Variants in PCDH9 observed in about 807,000 individuals in gnomAD.
PCDH9 encodes the protein protocadherin-9.
Under a neutral mutation model 70.6 loss-of-function variants are expected in PCDH9, and 24 were observed. The observed-to-expected ratio is 0.34, with a 90% CI of 0.25 to 0.48. PCDH9 has a LOEUF of 0.48. PCDH9 is among the 20% of genes least tolerant of loss of function. The pLI is 0.99. For missense variants in PCDH9, 1,281 were observed against 1,503.6 expected, an observed-to-expected ratio of 0.85 and a Z score of 2.45; for synonymous variants, 562 against 558.5, an observed-to-expected ratio of 1.01 and a Z score of -0.09.
chr13:66,960,086 A>G (rs909095216), intron 2 of PCDH9, among the ~76,000 whole-genome samples: 2 of 152,216 alleles, frequency 1.3e-5, no homozygotes, highest in African/African-American at 4.8e-5. Flanking sequence ...TTGCAAATTG[A>G]CTGACATGCA....
At chr13:66,914,631 T>A (rs2082528100) in intron 2 of PCDH9, 1 of 151,872 alleles carries the variant, frequency 6.6e-6, no homozygotes, top group Non-Finnish European at 1.5e-5. Flanking sequence ...TTGTATACTC[T>A]CCTCAAAAAG....
At chr13:66,551,458 G>A (rs1961486515) in intron 4 of PCDH9, among the ~76,000 whole-genome samples, 1 of 152,178 alleles carries the variant, frequency 6.6e-6, no homozygotes, top group African/African-American at 2.4e-5. Flanking sequence ...GGAAAACTGA[G>A]AATGAGGAGG....
At chr13:66,388,004 T>C (rs187159979) in intron 4 of PCDH9, among the ~76,000 whole-genome samples, 1 of 152,316 alleles carries the variant, frequency 6.6e-6, no homozygotes, top group East Asian at 1.9e-4. Flanking sequence ...GTCAGCTTGT[T>C]ATTATTTGGA....
chr13:66,629,128 A>C (rs932096858), intron 4 of PCDH9, among the ~76,000 whole-genome samples: 3 of 152,240 alleles, frequency 2.0e-5, no homozygotes, highest in Admixed American at 6.5e-5. Context: ...CATTGTCTTA[A>C]TCTTATTCAT....
chr13:66,655,679 ATTTC>A (rs752432400), intron 3 of PCDH9, among the ~76,000 whole-genome samples: 5 of 152,142 alleles, frequency 3.3e-5, no homozygotes, highest in Non-Finnish European at 4.4e-5. Context: ...TGTACAAGTT[ATTTC>A]TTAAGCATTT....
chr13:66,838,356 A>T (rs919005517), intron 3 of PCDH9, among the ~76,000 whole-genome samples: 1 of 151,982 alleles, frequency 6.6e-6, no homozygotes, highest in Non-Finnish European at 1.5e-5. Context: ...ATCTTTAAAA[A>T]TATTCAATTC....
At chr13:67,076,174 C>T (rs916796650) in intron 2 of PCDH9, among the ~76,000 whole-genome samples, 2 of 152,068 alleles carry the variant, frequency 1.3e-5, no homozygotes, top group Non-Finnish European at 2.9e-5. Context: ...ATGTGCCAGA[C>T]ACTGCCCTAA....
At chr13:66,886,471 T>C (rs1282582154) in intron 3 of PCDH9, among the ~76,000 whole-genome samples, 12 of 152,090 alleles carry the variant, frequency 7.9e-5, no homozygotes, top group Non-Finnish European at 1.6e-4. Context: ...CTAAGTGGCT[T>C]TGAAAAGCCA....
intron 4 of PCDH9, among the ~76,000 whole-genome samples, chr13:66,368,835 A>G (rs1196573429): frequency 6.6e-6 from 1 of 152,048 alleles, no homozygotes; most frequent in Non-Finnish European, 1.5e-5. Flanking sequence ...GCAGCAGGCA[A>G]AGAGAGAGAG....
chr13:67,183,794 G>A (rs1311347862), intron 2 of PCDH9, among the ~76,000 whole-genome samples: 1 of 152,096 alleles, frequency 6.6e-6, no homozygotes, highest in Non-Finnish European at 1.5e-5. Flanking sequence ...GACTGAGGTT[G>A]CAATGTTTTG....
intron 4 of PCDH9, among the ~76,000 whole-genome samples, chr13:66,535,225 A>C (rs990495184): frequency 3.3e-5 from 5 of 152,122 alleles, no homozygotes; most frequent in African/African-American, 1.2e-4. Flanking sequence ...AGTAAATTAC[A>C]TGTTAAATAA....
intron 2 of PCDH9, among the ~76,000 whole-genome samples, chr13:67,071,909 G>A (rs1194276462): frequency 2.1e-3 from 250 of 119,372 alleles, no homozygotes; most frequent in African/African-American, 6.4e-3. Context: ...AAAAAAAAAA[G>A]AGAGAATCCT....
At chr13:66,515,170 G>A (rs1959673029) in intron 4 of PCDH9, among the ~76,000 whole-genome samples, 1 of 152,040 alleles carries the variant, frequency 6.6e-6, no homozygotes, top group African/African-American at 2.4e-5. Context: ...ACTGTATCAT[G>A]TCCAGTTTTG....
intron 3 of PCDH9, among the ~76,000 whole-genome samples, chr13:66,869,959 G>T (rs546029343): frequency 6.6e-6 from 1 of 152,146 alleles, no homozygotes; most frequent in East Asian, 1.9e-4. Context: ...GGCTTTTGTT[G>T]CCATTGCTTT....
At chr13:66,325,445 C>T (rs1490394287) in intron 4 of PCDH9, among the ~76,000 whole-genome samples, 2 of 151,906 alleles carry the variant, frequency 1.3e-5, no homozygotes, top group African/African-American at 4.8e-5. Context: ...TTTCTAGAAG[C>T]CAAAATAATT....
At chr13:66,342,488 T>A (rs1386623495) in intron 4 of PCDH9, among the ~76,000 whole-genome samples, 2 of 152,194 alleles carry the variant, frequency 1.3e-5, no homozygotes, top group Non-Finnish European at 2.9e-5. Flanking sequence ...ATAGTTACTA[T>A]TAATATTCTC....
At chr13:66,928,232 C>T (rs1269602343) in intron 2 of PCDH9, among the ~76,000 whole-genome samples, 1 of 151,930 alleles carries the variant, frequency 6.6e-6, no homozygotes, top group Non-Finnish European at 1.5e-5. Context: ...GAGAAATATT[C>T]TGATTTTTCT....
chr13:66,502,428 T>A (rs1959181494), intron 4 of PCDH9, among the ~76,000 whole-genome samples: 1 of 152,164 alleles, frequency 6.6e-6, no homozygotes, highest in Non-Finnish European at 1.5e-5. Context: ...TCAAAATATT[T>A]TTTCTTAAAG....
intron 4 of PCDH9, among the ~76,000 whole-genome samples, chr13:66,560,699 G>T (rs1433288309): frequency 2.6e-5 from 4 of 152,016 alleles, no homozygotes; most frequent in Non-Finnish European, 5.9e-5. Context: ...TTGGAGAATT[G>T]AAAAGGCACA....
Sources: allele counts gnomAD v4.1 joint callset (sites outside exome capture counted in the v4.1 genomes callset), GRCh38; gene constraint gnomAD v4.1.1; transcripts MANE v1.5; gene names NCBI Gene and HGNC (gene_info 2026-07-23, HGNC 2026-07-21).